The following DYNC1I1 variants were observed in gnomAD, a reference collection of about 807,000 sequenced individuals.
DYNC1I1 encodes cytoplasmic dynein 1 intermediate chain 1.
Under a neutral mutation model 86.6 loss-of-function variants are expected in DYNC1I1, and 43 were observed. That is an observed-to-expected ratio of 0.50 (90% CI 0.39 to 0.64). DYNC1I1 has a LOEUF of 0.64. Among genes scored for constraint, DYNC1I1 ranks in the 30% least tolerant of loss-of-function variants. The pLI is 0.00. For missense variants in DYNC1I1, 604 were observed against 788.8 expected (o/e 0.77, Z 2.81); for synonymous variants, 262 against 283.7 (o/e 0.92, Z 0.77).
chr7:95,977,025 C>T (rs1463676109), intron 6 of DYNC1I1, among the ~76,000 whole-genome samples: 1 of 152,212 alleles, frequency 6.6e-6, no homozygotes, highest in Non-Finnish European at 1.5e-5. Flanking sequence ...TGGTTGTTTA[C>T]TTGCCAATGG....
chr7:96,027,553 A>G (rs1794710646), intron 10 of DYNC1I1, among the ~76,000 whole-genome samples: 1 of 152,186 alleles, frequency 6.6e-6, no homozygotes, highest in African/African-American at 2.4e-5. Flanking sequence ...AAGGAATAAC[A>G]TTAAGAATTT....
At chr7:95,849,187 G>A (rs942103071) in intron 5 of DYNC1I1, among the ~76,000 whole-genome samples, 1 of 152,046 alleles carries the variant, frequency 6.6e-6, no homozygotes, top group South Asian at 2.1e-4. Context: ...TCTTTATTCT[G>A]TTGATTGTTT....
intron 14 of DYNC1I1, among the ~76,000 whole-genome samples, chr7:96,045,964 A>C (rs1341555009): frequency 6.6e-6 from 1 of 152,194 alleles, no homozygotes; most frequent in Non-Finnish European, 1.5e-5. Flanking sequence ...TAGCACAATG[A>C]GGTTAGCATG....
At chr7:95,823,060 G>A (rs1296480725) in intron 4 of DYNC1I1, among the ~76,000 whole-genome samples, 2 of 152,166 alleles carry the variant, frequency 1.3e-5, no homozygotes, top group Non-Finnish European at 2.9e-5. Flanking sequence ...TTCAAGGAGA[G>A]AAGACTTTGT....
At chr7:95,866,490 C>T (rs549762535) in intron 5 of DYNC1I1, among the ~76,000 whole-genome samples, 1 of 152,310 alleles carries the variant, frequency 6.6e-6, no homozygotes, top group East Asian at 1.9e-4. Context: ...CCAACTCTGT[C>T]ACTACCTTTG....
chr7:95,893,453 G>A (rs528193182), intron 6 of DYNC1I1, among the ~76,000 whole-genome samples: 63 of 152,172 alleles, frequency 4.1e-4, no homozygotes, highest in Non-Finnish European at 8.4e-4. Context: ...AGTTTGGCTT[G>A]CAAACGTCTA....
chr7:96,005,196 C>G (rs1201975013), intron 10 of DYNC1I1, among the ~76,000 whole-genome samples: 1 of 152,066 alleles, frequency 6.6e-6, no homozygotes, highest in African/African-American at 2.4e-5. Flanking sequence ...ACAGAGACGG[C>G]ATGAAAAAAT....
At chr7:95,992,111 C>T (rs1454204253) in intron 9 of DYNC1I1, among the ~76,000 whole-genome samples, 2 of 152,100 alleles carry the variant, frequency 1.3e-5, no homozygotes, top group South Asian at 2.1e-4. Flanking sequence ...CCACCCTCCT[C>T]GGCCTCCCAA....
At chr7:96,064,785 G>A (rs143510338) in intron 14 of DYNC1I1, among the ~76,000 whole-genome samples, 2 of 152,240 alleles carry the variant, frequency 1.3e-5, no homozygotes, top group African/African-American at 2.4e-5. Context: ...TCAAGGCTGC[G>A]TTCATCACCT....
intron 4 of DYNC1I1, among the ~76,000 whole-genome samples, chr7:95,826,499 A>G (rs571486550): frequency 6.6e-6 from 1 of 152,316 alleles, no homozygotes; most frequent in South Asian, 2.1e-4. Context: ...ATATTCATTC[A>G]TTCAACAAAT....
downstream of DYNC1I1, among the ~76,000 whole-genome samples, chr7:96,098,929 G>A (rs745682503): frequency 7.2e-5 from 11 of 152,270 alleles, no homozygotes; most frequent in Non-Finnish European, 1.2e-4. Context: ...GACTTTGTTG[G>A]TAGGGATTCC....
intron 1 of DYNC1I1, among the ~76,000 whole-genome samples, chr7:95,803,591 A>G (rs1794633515): frequency 6.6e-6 from 1 of 152,220 alleles, no homozygotes; most frequent in African/African-American, 2.4e-5. Flanking sequence ...GTCTGGGGAC[A>G]ACGACAAAAA....
intron 14 of DYNC1I1, among the ~76,000 whole-genome samples, chr7:96,063,504 G>A (rs937456211): frequency 6.6e-6 from 1 of 152,174 alleles, no homozygotes; most frequent in Non-Finnish European, 1.5e-5. Context: ...AGATCAAGGT[G>A]TCATCAGGGT....
At chr7:95,932,655 C>T (rs1008455958) in intron 6 of DYNC1I1, among the ~76,000 whole-genome samples, 5 of 152,110 alleles carry the variant, frequency 3.3e-5, no homozygotes, top group Admixed American at 1.3e-4. Context: ...TCAAGTTGAA[C>T]CCTTTCCATT....
At chr7:96,028,776 T>A (rs1037422795) in intron 11 of DYNC1I1, among the ~76,000 whole-genome samples, 1 of 152,234 alleles carries the variant, frequency 6.6e-6, no homozygotes, top group Admixed American at 6.5e-5. Context: ...AATTCTGGAA[T>A]GTGTGGTGTA....
intron 4 of DYNC1I1, among the ~76,000 whole-genome samples, chr7:95,827,051 G>C (rs893164898): frequency 1.3e-5 from 2 of 152,170 alleles, no homozygotes; most frequent in Non-Finnish European, 2.9e-5. Flanking sequence ...GGTGGGACGT[G>C]AGTTTCTGCA....
intron 1 of DYNC1I1, among the ~76,000 whole-genome samples, chr7:95,777,268 T>G (rs959749408): frequency 3.3e-5 from 5 of 152,198 alleles, no homozygotes; most frequent in Admixed American, 2.0e-4. Flanking sequence ...ACACTTTTGC[T>G]TCCCCCATCG....
chr7:95,992,693 C>T (rs1793761121), intron 9 of DYNC1I1, among the ~76,000 whole-genome samples: 1 of 152,064 alleles, frequency 6.6e-6, no homozygotes, highest in Admixed American at 6.6e-5. Flanking sequence ...ACTCTTAGCT[C>T]ACTGCAACCT....
chr7:96,001,611 G>C (rs574631848), intron 10 of DYNC1I1, among the ~76,000 whole-genome samples: 1 of 152,176 alleles, frequency 6.6e-6, no homozygotes, highest in Non-Finnish European at 1.5e-5. Flanking sequence ...TACTGTGTGC[G>C]TAGCCTTACA....
Sources: gnomAD v4.1 joint callset for allele counts (sites outside exome capture counted in the v4.1 genomes callset) on GRCh38, gnomAD v4.1.1 for gene constraint, MANE v1.5 for transcripts, NCBI Gene and HGNC (gene_info 2026-07-23, HGNC 2026-07-21) for gene names.